The following LRP5 variants were observed in gnomAD, a reference collection of about 807,000 sequenced individuals.
LRP5 encodes the protein low-density lipoprotein receptor-related protein 5.
A neutral mutation model predicts 154.1 loss-of-function variants in LRP5; 62 were observed. The observed-to-expected ratio is 0.40, with a 90% CI of 0.33 to 0.50. The LOEUF (loss-of-function observed/expected upper bound fraction) is 0.50, where lower values mean the gene tolerates loss of function less well. LRP5 is among the 20% of genes least tolerant of loss of function. The pLI is 0.55. For missense variants in LRP5, 1,915 were observed against 2,336.7 expected, an observed-to-expected ratio of 0.82 and a Z score of 3.72; for synonymous variants, 966 against 1,011.5, an observed-to-expected ratio of 0.96 and a Z score of 0.85.
intron 21 of LRP5, among the ~76,000 whole-genome samples, chr11:68,442,972 G>A (rs182285703): frequency 1.8e-3 from 278 of 152,250 alleles, no homozygotes; most frequent in African/African-American, 5.6e-3. Flanking sequence ...GCCCCCACTG[G>A]AGGGCATCAT....
intron 12 of LRP5, among the ~76,000 whole-genome samples, chr11:68,415,746 C>CGAAT (rs1277911070): frequency 1.5e-5 from 1 of 68,688 alleles, no homozygotes; most frequent in African/African-American, 3.6e-5. Context: ...AACTCCATCT[C>CGAAT]GAATGAATGA....
At chr11:68,349,406 A>G (rs2098616459) in intron 2 of LRP5, among the ~76,000 whole-genome samples, 1 of 152,140 alleles carries the variant, frequency 6.6e-6, no homozygotes, top group African/African-American at 2.4e-5. Context: ...TGAATGGTTA[A>G]ACACATCTTT....
Position 68,437,030 on chromosome 11 carries a change from G to A in LRP5, c.4111+31G>A, listed in dbSNP as rs368050191. The A allele has an allele frequency of 4.5e-5, 71 of 1,583,048 alleles. No homozygotes were observed. The African/African-American group carries it at 6.7e-4, about 15-fold the overall frequency. On this transcript the variant is annotated intron_variant, in intron 19 of 22. Transcript: ENST00000294304. ...CCAGCTTCTGGCACGGGGAAGGGGC[G>A]TCCGGGCTGGGTTCCCCCAGGAACG...
At chr11:68,399,424 G>C (rs529350564) in intron 7 of LRP5, among the ~76,000 whole-genome samples, 18 of 151,962 alleles carry the variant, frequency 1.2e-4, no homozygotes, top group African/African-American at 4.1e-4. Context: ...TGCCTGTTCA[G>C]TCACGTGCTC....
chr11:68,420,241 A>C (rs1029252278), intron 13 of LRP5, among the ~76,000 whole-genome samples: 7 of 152,158 alleles, frequency 4.6e-5, no homozygotes, highest in Non-Finnish European at 8.8e-5. Flanking sequence ...TCTGACAGCC[A>C]CCATTCTACT....
At chr11:68,357,600 C>G (rs1399417513) in intron 2 of LRP5, 50 bp from the exon 3 acceptor site, 1 of 1,568,844 alleles carries the variant, frequency 6.4e-7, no homozygotes, top group Non-Finnish European at 8.7e-7. Flanking sequence ...CAGACAAAAA[C>G]AAAAAACAGA....
intron 1 of LRP5, among the ~76,000 whole-genome samples, chr11:68,318,177 C>G (rs1280769186): frequency 6.6e-6 from 1 of 151,700 alleles, no homozygotes; most frequent in Non-Finnish European, 1.5e-5. Flanking sequence ...GCCTCAGCCT[C>G]CTGAGTAGCT....
chr11:68,331,932 G>T (rs1275779500), intron 1 of LRP5, among the ~76,000 whole-genome samples: 1 of 152,172 alleles, frequency 6.6e-6, no homozygotes, highest in African/African-American at 2.4e-5. Flanking sequence ...TGTGAGGTGT[G>T]TGTGGGGAGT....
the LRP5 span, among the ~76,000 whole-genome samples, chr11:68,299,272 G>C: frequency 5.1e-4 from 78 of 152,352 alleles, no homozygotes; most frequent in African/African-American, 1.8e-3. Context: ...GGACAGCTTG[G>C]GGACTGGAGG....
chr11:68,438,307 C>A, intron 19 of LRP5, 139 bp from the exon 20 acceptor site: 1 of 869,528 alleles, frequency 1.2e-6, no homozygotes, highest in Non-Finnish European at 1.9e-6. Context: ...CCAGGCCTAG[C>A]CTCCCAGCTC....
At position 68,353,066 on chromosome 11, in the gene LRP5, T is replaced by C. The variant is rs971906603; in HGVS notation, c.489-4584T>C. 2.6e-5 allele frequency among the ~76,000 whole-genome samples: 4 copies of C among 152,172 alleles called. No homozygotes were observed. Among genetic ancestry groups the C allele is most frequent in the African/African-American group, 7.2e-5 (3 of 41,416 alleles). On this transcript the variant is annotated intron_variant, in intron 2 of 22. Coordinates refer to ENST00000294304, the MANE Select transcript of LRP5 (RefSeq NM_002335.4). The surrounding 1 kb of genome is among the most constrained non-coding windows in gnomAD (Gnocchi z 4.5). ...TGGGCCCTTGGTTGGGAGTAGTCTT[T>C]CCCATGCTCAGATCTGAGCTGGCTT...
the LRP5 span, among the ~76,000 whole-genome samples, chr11:68,298,978 A>G: frequency 6.6e-6 from 1 of 152,148 alleles, no homozygotes; most frequent in South Asian, 2.1e-4. Flanking sequence ...GGCAAAGAGG[A>G]AGCTGCACAA....
At chr11:68,421,279 G>C (rs1177707975) in intron 13 of LRP5, among the ~76,000 whole-genome samples, 1 of 152,156 alleles carries the variant, frequency 6.6e-6, no homozygotes, top group Non-Finnish European at 1.5e-5. Context: ...AAAGAGTTCA[G>C]GGTTTATGAA....
chr11:68,377,258 G>A (rs952651076), intron 5 of LRP5, among the ~76,000 whole-genome samples: 15 of 152,162 alleles, frequency 9.9e-5, no homozygotes, highest in African/African-American at 1.7e-4. Context: ...TCCTGAGGCC[G>A]GCACTGACTT....
rs767723514 is a variant in LRP5 at position 68,386,655 on chromosome 11, TC to T, written c.1357del (p.Leu453TrpfsTer17). 6.2e-7 allele frequency: 1 copy of T among 1,613,466 alleles called. No individual in the cohort carries two copies. Among genetic ancestry groups the T allele is most frequent in the South Asian group, 1.1e-5 (1 of 91,076 alleles). ...CGCCTCAACGGCACCTCCCGCAAGA[TC>T]CTGGTGTCGGAGGACCTGGACGAGC... ...VTRLNGTSRK[I>X]LVSEDLDEPR... On this transcript the variant is annotated frameshift_variant, in exon 6 of 23. Transcript: ENST00000294304. LOFTEE classifies it high-confidence loss of function. The surrounding 1 kb of genome is among the most constrained non-coding windows in gnomAD (Gnocchi z 7.9).
Position 68,338,321 on chromosome 11 carries a change from G to A in LRP5, c.92-9526G>A, listed in dbSNP as rs560867926. On this transcript the variant is annotated intron_variant, in intron 1 of 22. Transcript: ENST00000294304. ...ATTGAGTCTTGTTTGGTGTAACCAT[G>A]TAAATAAACAGTGTAAAATATAGGC... 1.1e-4 allele frequency among the ~76,000 whole-genome samples: 17 copies of A among 152,352 alleles called. No homozygotes were observed. In the South Asian group the frequency reaches 3.5e-3, roughly 32 times the overall value.
At chr11:68,418,495 T>C (rs989381953) in intron 13 of LRP5, among the ~76,000 whole-genome samples, 2 of 152,084 alleles carry the variant, frequency 1.3e-5, no homozygotes, top group Admixed American at 6.5e-5. Flanking sequence ...TGGTACTTTC[T>C]TGAGGCAGAG....
intron 1 of LRP5, among the ~76,000 whole-genome samples, chr11:68,325,283 T>A (rs1285139105): frequency 1.3e-5 from 2 of 152,170 alleles, no homozygotes; most frequent in African/African-American, 2.4e-5. Context: ...CAGAGCAGGA[T>A]GAAAGGCAGA....
At position 68,312,746 on chromosome 11, in the gene LRP5, C is replaced by CGCTGCT. The variant is rs72555376; in HGVS notation, c.55_60dup (p.Leu19_Leu20dup). 986 of 1,061,312 alleles carry CGCTGCT rather than the reference C, an allele frequency of 9.3e-4. 3 individuals are homozygous for CGCTGCT. Among genetic ancestry groups the CGCTGCT allele is most frequent in the East Asian group, 8.5e-3 (91 of 10,766 alleles). The allele number at this position is 1,061,312 out of a possible 1,614,324, so 65.7% of individuals were successfully genotyped here. A position where few individuals can be genotyped will look rare whatever the true frequency, so the allele number is the denominator to read the frequency against. On this transcript the variant is annotated inframe_insertion, in exon 1 of 23. Transcript: ENST00000294304. ...GCAGCGCCGCCCGGGCCGCCGTGGC[C>CGCTGCT]GCTGCTGCTGCTGCTGCTGCTGCTG...
Sources: allele counts gnomAD v4.1 joint callset (sites outside exome capture counted in the v4.1 genomes callset), GRCh38; gene constraint gnomAD v4.1.1; non-coding constraint Gnocchi (gnomAD v3.1); transcripts MANE v1.5; gene names NCBI Gene and HGNC (gene_info 2026-07-23, HGNC 2026-07-21).